The following SCLT1 variants were observed in gnomAD, a reference collection of about 807,000 sequenced individuals.
The protein encoded by SCLT1 is sodium channel-associated protein 1.
SCLT1 carries 78 observed loss-of-function variants against 112.8 expected under a neutral mutation model. That is an observed-to-expected ratio of 0.69 (90% CI 0.58 to 0.83). The LOEUF is 0.83. Among genes scored for constraint, SCLT1 ranks in the 40% least tolerant of loss-of-function variants. SCLT1 has a pLI of 0.00. For missense variants in SCLT1, 747 were observed against 770.4 expected, an observed-to-expected ratio of 0.97 and a Z score of 0.36; for synonymous variants, 257 against 254.7, an observed-to-expected ratio of 1.01 and a Z score of -0.09.
At chr4:128,938,529 T>G (rs919297364) in intron 17 of SCLT1, among the ~76,000 whole-genome samples, 1 of 152,214 alleles carries the variant, frequency 6.6e-6, no homozygotes, top group Non-Finnish European at 1.5e-5. Flanking sequence ...ATCTTAATAA[T>G]TTTTGAATTA....
chr4:128,969,527 A>G (rs915602734), intron 10 of SCLT1, among the ~76,000 whole-genome samples: 1 of 152,106 alleles, frequency 6.6e-6, no homozygotes, highest in Non-Finnish European at 1.5e-5. Context: ...AGCCGAGATC[A>G]AGCCACTGCA....
chr4:129,025,096 G>A (rs1350762680), intron 5 of SCLT1, among the ~76,000 whole-genome samples: 1 of 152,200 alleles, frequency 6.6e-6, no homozygotes, highest in African/African-American at 2.4e-5. Context: ...AAGTGACGGG[G>A]AGAATGGAAC....
chr4:128,944,882 A>C (rs912219654), intron 16 of SCLT1: 1 of 152,160 alleles, frequency 6.6e-6, no homozygotes, highest in Non-Finnish European at 1.5e-5. Flanking sequence ...TCCTTAATGA[A>C]AGAAAAGGAC....
chr4:129,087,535 C>T (rs1752496770), intron 1 of SCLT1, among the ~76,000 whole-genome samples: 2 of 150,524 alleles, frequency 1.3e-5, no homozygotes, highest in Admixed American at 6.6e-5. Context: ...TTGCCTAAAG[C>T]CAGGAGTTCA....
chr4:129,000,948 TAAAAA>T (rs942942339), intron 6 of SCLT1, among the ~76,000 whole-genome samples: 1 of 141,870 alleles, frequency 7.0e-6, no homozygotes, highest in African/African-American at 2.6e-5. Flanking sequence ...GTCTAAAACT[TAAAAA>T]AAAAAACAAA....
At chr4:128,888,608 G>A (rs543092501) in intron 20 of SCLT1, 71 bp downstream of exon 20, 4 of 793,800 alleles carry the variant, frequency 5.0e-6, no homozygotes, top group South Asian at 1.7e-5. Flanking sequence ...AAACTATTAA[G>A]TTCCCTGGGA....
At chr4:128,880,026 T>C (rs1579269547), downstream of SCLT1, among the ~76,000 whole-genome samples, 1 of 152,234 alleles carries the variant, frequency 6.6e-6, no homozygotes, top group South Asian at 2.1e-4. Context: ...CTGTGATTAC[T>C]AGGATGCCAC....
Position 128,941,843 on chromosome 4 carries a change from G to A in SCLT1, c.1632+1153C>T, listed in dbSNP as rs1053941678. On this transcript the variant is annotated intron_variant, in intron 17 of 20. Coordinates refer to ENST00000281142, the MANE Select transcript of SCLT1 (RefSeq NM_144643.4). ...AATTTGCATATATGCTGTGATATAG[G>A]AGTTAAGTTTTATTTTTAAAATATG... Among the ~76,000 whole-genome samples, 55 of 152,182 alleles carry A rather than the reference G, an allele frequency of 3.6e-4. 1 individual carries two copies. The highest frequency in any genetic ancestry group is 1.3e-3 in the African/African-American group (52 of 41,552).
chr4:128,989,025 AC>A (rs1249376969), intron 9 of SCLT1, among the ~76,000 whole-genome samples: 3 of 151,940 alleles, frequency 2.0e-5, no homozygotes, highest in African/African-American at 7.2e-5. Flanking sequence ...CAATAAAATA[AC>A]AGCTGAGAAC....
chr4:129,056,740 G>T (rs1463850560), intron 2 of SCLT1, among the ~76,000 whole-genome samples: 1 of 152,108 alleles, frequency 6.6e-6, no homozygotes, highest in African/African-American at 2.4e-5. Context: ...TTTGGTGGAG[G>T]TTTTACATGT....
intron 2 of SCLT1, among the ~76,000 whole-genome samples, chr4:129,080,777 CTA>C (rs1751862779): frequency 6.6e-6 from 1 of 152,154 alleles, no homozygotes; most frequent in South Asian, 2.1e-4. Flanking sequence ...TACAAATTTT[CTA>C]TATCAGTCCA....
chr4:128,926,615 G>A (rs1466057356), intron 18 of SCLT1, among the ~76,000 whole-genome samples: 4 of 152,068 alleles, frequency 2.6e-5, no homozygotes, highest in African/African-American at 4.8e-5. Flanking sequence ...TATGAGAATA[G>A]TATTGTTCAT....
intron 16 of SCLT1, 88 bp from the exon 17 acceptor site, chr4:128,943,276 T>G (rs1737867074): frequency 1.1e-6 from 1 of 909,210 alleles, no homozygotes; most frequent in Non-Finnish European, 1.6e-6. Context: ...TCACATGGAC[T>G]TTTGTTTGCT....
intron 12 of SCLT1, among the ~76,000 whole-genome samples, chr4:128,959,017 C>T (rs1162047059): frequency 1.3e-5 from 2 of 151,906 alleles, no homozygotes; most frequent in Admixed American, 6.6e-5. Context: ...TAAGGGAGGC[C>T]GCAAAATAAA....
intron 4 of SCLT1, among the ~76,000 whole-genome samples, chr4:128,875,517 A>C (rs903539918): frequency 6.6e-6 from 1 of 152,240 alleles, no homozygotes; most frequent in Non-Finnish European, 1.5e-5. Context: ...TCAGGGTCAG[A>C]GAGAACTGTA....
chr4:128,904,750 A>T (rs1734566491), intron 18 of SCLT1, among the ~76,000 whole-genome samples: 1 of 152,220 alleles, frequency 6.6e-6, no homozygotes. Flanking sequence ...AAAATATTTA[A>T]TCCTAGTATG....
chr4:128,908,175 G>A (rs577034430), intron 18 of SCLT1, among the ~76,000 whole-genome samples: 1 of 152,180 alleles, frequency 6.6e-6, no homozygotes, highest in South Asian at 2.1e-4. Flanking sequence ...AACAAAAGGT[G>A]CGCTATTCAT....
intron 5 of SCLT1, among the ~76,000 whole-genome samples, chr4:129,020,548 G>C (rs1383638750): frequency 6.6e-6 from 1 of 152,194 alleles, no homozygotes; most frequent in Non-Finnish European, 1.5e-5. Context: ...CTAGAGAAGA[G>C]AGAGAATCAG....
intron 18 of SCLT1, among the ~76,000 whole-genome samples, chr4:128,923,198 C>T (rs1400322192): frequency 1.3e-5 from 2 of 152,102 alleles, no homozygotes; most frequent in Non-Finnish European, 2.9e-5. Flanking sequence ...GTAATCCCAG[C>T]ACTTTGGGAG....
Sources: gnomAD v4.1 joint callset for allele counts (sites outside exome capture counted in the v4.1 genomes callset) on GRCh38, gnomAD v4.1.1 for gene constraint, MANE v1.5 for transcripts, NCBI Gene and HGNC (gene_info 2026-07-23, HGNC 2026-07-21) for gene names.